NKAIN3: variants seen among roughly 807,000 people sequenced by gnomAD.
NKAIN3 encodes sodium/potassium transporting ATPase interacting 3.
In NKAIN3, 25 loss-of-function variants were observed where a neutral mutation model predicts 30.2. The ratio of observed to expected loss-of-function variants is 0.83; its 90% CI spans 0.60 to 1.16. The LOEUF (loss-of-function observed/expected upper bound fraction) is 1.16, where lower values mean the gene tolerates loss of function less well. NKAIN3 is among the 50% of genes most tolerant of loss of function. NKAIN3 has a pLI of 0.00. For missense variants in NKAIN3, 225 were observed against 254.1 expected (o/e 0.89, Z 0.78); for synonymous variants, 91 against 89.6 (o/e 1.02, Z -0.09).
intron 3 of NKAIN3, among the ~76,000 whole-genome samples, chr8:62,598,413 A>T (rs967143714): frequency 6.6e-6 from 1 of 151,992 alleles, no homozygotes; most frequent in Non-Finnish European, 1.5e-5. Context: ...CCTAAGCGAA[A>T]CCCATAGAGG....
intron 3 of NKAIN3, among the ~76,000 whole-genome samples, chr8:62,694,189 A>C (rs1233583724): frequency 6.6e-6 from 1 of 152,098 alleles, no homozygotes; most frequent in Non-Finnish European, 1.5e-5. Flanking sequence ...CCTTCTATCT[A>C]GTGGTGTTTT....
At chr8:62,810,645 T>TG (rs1271416227) in intron 4 of NKAIN3, among the ~76,000 whole-genome samples, 13 of 151,304 alleles carry the variant, frequency 8.6e-5, no homozygotes, top group Admixed American at 7.3e-4. Flanking sequence ...AAAGTTTTTT[T>TG]TTTTTTTTTT....
chr8:62,905,053 C>A (rs1821736739), intron 4 of NKAIN3, among the ~76,000 whole-genome samples: 1 of 152,026 alleles, frequency 6.6e-6, no homozygotes, highest in Non-Finnish European at 1.5e-5. Flanking sequence ...TGATACAAAG[C>A]AGTACCTTGA....
intron 4 of NKAIN3, among the ~76,000 whole-genome samples, chr8:62,859,684 T>C (rs1194349534): frequency 6.6e-6 from 1 of 151,978 alleles, no homozygotes; most frequent in East Asian, 1.9e-4. Context: ...TATTTCCCTA[T>C]ATTCTTTATA....
chr8:62,529,006 ACT>A (rs1166819682), intron 1 of NKAIN3, among the ~76,000 whole-genome samples: 2 of 152,100 alleles, frequency 1.3e-5, no homozygotes, highest in South Asian at 2.1e-4. Flanking sequence ...TATAATCAGG[ACT>A]CTCTGAAACC....
chr8:62,867,295 T>G (rs1820457010), intron 4 of NKAIN3, among the ~76,000 whole-genome samples: 1 of 152,180 alleles, frequency 6.6e-6, no homozygotes, highest in African/African-American at 2.4e-5. Flanking sequence ...ATGTCTCAAT[T>G]TCTTCTTTAC....
At chr8:62,260,520 C>T (rs1585606904) in intron 1 of NKAIN3, among the ~76,000 whole-genome samples, 1 of 152,244 alleles carries the variant, frequency 6.6e-6, no homozygotes, top group South Asian at 2.1e-4. Context: ...CGCTCCAAAG[C>T]AGTTATGTGT....
chr8:62,800,463 T>C (rs1040614084), intron 4 of NKAIN3, among the ~76,000 whole-genome samples: 6 of 152,128 alleles, frequency 3.9e-5, no homozygotes, highest in Non-Finnish European at 8.8e-5. Context: ...AATTTTATGC[T>C]ATGACCTCAG....
chr8:62,612,501 A>C lies in NKAIN3; in HGVS notation c.273+22707A>C, dbSNP rs374520662. On this transcript the variant is annotated intron_variant, in intron 3 of 6. Coordinates refer to ENST00000623646, the MANE Select transcript of NKAIN3 (RefSeq NM_001304533.3). Reference sequence around the variant, plus strand: ...CAGTCTTTGTGTGTCTTTATAGGTGATGTGTGTTTCTTGTAGGCAACAGAT... The same window carrying C: ...CAGTCTTTGTGTGTCTTTATAGGTGCTGTGTGTTTCTTGTAGGCAACAGAT... Among the ~76,000 whole-genome samples, 96 of 146,670 alleles carry C rather than the reference A, an allele frequency of 6.5e-4. No individual in the cohort carries two copies. The South Asian group carries it at 0.017, about 27-fold the overall frequency.
At chr8:62,258,599 G>T (rs1812331663) in intron 1 of NKAIN3, among the ~76,000 whole-genome samples, 1 of 152,188 alleles carries the variant, frequency 6.6e-6, no homozygotes. Context: ...GTTCGAGGCT[G>T]CAGTGAGCCT....
At chr8:62,882,300 GTATT>G (rs1344290520) in intron 4 of NKAIN3, among the ~76,000 whole-genome samples, 1 of 151,966 alleles carries the variant, frequency 6.6e-6, no homozygotes, top group African/African-American at 2.4e-5. Flanking sequence ...TTTTGGTGTT[GTATT>G]TATTTATTTA....
intron 1 of NKAIN3, among the ~76,000 whole-genome samples, chr8:62,562,033 G>C (rs538556833): frequency 6.6e-6 from 1 of 152,252 alleles, no homozygotes; most frequent in African/African-American, 2.4e-5. Flanking sequence ...TCAGGGTGTT[G>C]ACAGTGTATC....
chr8:62,415,169 AATAT>A (rs999167562), intron 1 of NKAIN3, among the ~76,000 whole-genome samples: 1 of 141,984 alleles, frequency 7.0e-6, no homozygotes, highest in Non-Finnish European at 1.5e-5. Context: ...TATATTATAT[AATAT>A]ATATTATATT....
At chr8:62,405,437 G>A (rs138181137) in intron 1 of NKAIN3, among the ~76,000 whole-genome samples, 194 of 152,340 alleles carry the variant, frequency 1.3e-3, no homozygotes, top group African/African-American at 4.6e-3. Context: ...CTCAGGTTCT[G>A]ACCACTGGGA....
intron 6 of NKAIN3, among the ~76,000 whole-genome samples, chr8:62,962,543 G>C (rs1823598034): frequency 6.6e-6 from 1 of 152,104 alleles, no homozygotes; most frequent in East Asian, 1.9e-4. Context: ...TTTGACTTTG[G>C]ACAAGGTAAT....
At chr8:62,262,403 G>T (rs957284683) in intron 1 of NKAIN3, among the ~76,000 whole-genome samples, 3 of 151,096 alleles carry the variant, frequency 2.0e-5, no homozygotes, top group Non-Finnish European at 4.4e-5. Context: ...TCACTGTCCG[G>T]ATATAATCTG....
intron 3 of NKAIN3, among the ~76,000 whole-genome samples, chr8:62,625,761 A>G (rs545329001): frequency 6.6e-6 from 1 of 152,156 alleles, no homozygotes; most frequent in African/African-American, 2.4e-5. Context: ...AGGAATTGGA[A>G]ATTGCCATTT....
At chr8:62,735,944 G>A (rs1304227459) in intron 3 of NKAIN3, among the ~76,000 whole-genome samples, 1 of 152,130 alleles carries the variant, frequency 6.6e-6, no homozygotes, top group Non-Finnish European at 1.5e-5. Context: ...AGCCTCCTGG[G>A]CTCAAGGATG....
chr8:62,816,862 C>T (rs1350957406), intron 4 of NKAIN3, among the ~76,000 whole-genome samples: 1 of 152,108 alleles, frequency 6.6e-6, no homozygotes, highest in Non-Finnish European at 1.5e-5. Flanking sequence ...GAATTTTCTC[C>T]CTGGAAAGAT....
Sources: gnomAD v4.1 joint callset for allele counts (sites outside exome capture counted in the v4.1 genomes callset) on GRCh38, gnomAD v4.1.1 for gene constraint, MANE v1.5 for transcripts, NCBI Gene and HGNC (gene_info 2026-07-23, HGNC 2026-07-21) for gene names.